Variants in CD44 observed in about 807,000 individuals in gnomAD.
CD44 encodes CD44 molecule (IN blood group), also known as CD44 antigen.
In CD44, 49 loss-of-function variants were observed where a neutral mutation model predicts 88.8. That is an observed-to-expected ratio of 0.55 (90% CI 0.44 to 0.70). CD44 has a LOEUF of 0.70. Among genes scored for constraint, CD44 ranks in the 30% least tolerant of loss-of-function variants. CD44 has a pLI of 0.00. For missense variants in CD44, 883 were observed against 913.8 expected (o/e 0.97, Z 0.43); for synonymous variants, 325 against 312.3 (o/e 1.04, Z -0.43).
At chr11:35,150,702 A>G (rs1051949949) in intron 1 of CD44, among the ~76,000 whole-genome samples, 4 of 152,186 alleles carry the variant, frequency 2.6e-5, no homozygotes, top group African/African-American at 9.7e-5. Context: ...GTTATTGCTG[A>G]TACGGTTCAG....
intron 5 of CD44, among the ~76,000 whole-genome samples, chr11:35,192,094 A>G (rs1190816098): frequency 6.6e-6 from 1 of 152,190 alleles, no homozygotes; most frequent in East Asian, 1.9e-4. Context: ...ATTTAACTAA[A>G]ACATAGTTCA....
intron 1 of CD44, among the ~76,000 whole-genome samples, chr11:35,172,588 C>T (rs1342584906): frequency 6.6e-6 from 1 of 152,132 alleles, no homozygotes; most frequent in Non-Finnish European, 1.5e-5. Flanking sequence ...ATCATCTTGT[C>T]CCTTCTTCAA....
chr11:35,193,061 C>T (rs16927055), intron 5 of CD44, among the ~76,000 whole-genome samples: 12,832 of 151,882 alleles, frequency 0.084, 560 homozygotes, highest in South Asian at 0.14. Flanking sequence ...TGGATTTTCC[C>T]GGGGATGCTC....
intron 17 of CD44, among the ~76,000 whole-genome samples, chr11:35,226,939 C>T (rs936426760): frequency 7.0e-5 from 9 of 129,074 alleles, no homozygotes; most frequent in East Asian, 4.4e-4. Context: ...GGCTGGAGTG[C>T]GGTGATGCAA....
intron 3 of CD44, among the ~76,000 whole-genome samples, chr11:35,181,834 A>ATATAAAAATTATATTTATATATAAATT (rs1945056523): frequency 9.9e-6 from 1 of 100,568 alleles, no homozygotes; most frequent in Non-Finnish European, 1.9e-5. Context: ...TATTATAAAT[A>ATATAAAAATTATATTTATATATAAATT]TATAAAAATT....
chr11:35,220,285 G>T (rs1319146812), intron 16 of CD44, among the ~76,000 whole-genome samples: 5 of 152,182 alleles, frequency 3.3e-5, no homozygotes, highest in Non-Finnish European at 7.3e-5. Flanking sequence ...TCCAGTGACA[G>T]TGCAGGTGGG....
chr11:35,190,655 T>C (rs1946177942), intron 5 of CD44, among the ~76,000 whole-genome samples: 1 of 152,272 alleles, frequency 6.6e-6, no homozygotes, highest in South Asian at 2.1e-4. Flanking sequence ...TTTTATGTTT[T>C]AACTTGATTT....
chr11:35,222,680 T>C (rs1949403760), intron 17 of CD44: 2 of 903,340 alleles, frequency 2.2e-6, no homozygotes, highest in African/African-American at 1.8e-5. Context: ...TTAACAGGGG[T>C]ATAAATCTAA....
At chr11:35,208,280 T>G in intron 12 of CD44, 74 bp downstream of exon 12, 1 of 1,004,396 alleles carries the variant, frequency 1.0e-6, no homozygotes, top group Non-Finnish European at 1.6e-6. Flanking sequence ...TTGGCCAAGA[T>G]GCAGAGCTTT....
At chr11:35,207,244 G>C (rs903250295) in intron 11 of CD44, among the ~76,000 whole-genome samples, 3 of 152,204 alleles carry the variant, frequency 2.0e-5, no homozygotes, top group Non-Finnish European at 2.9e-5. Flanking sequence ...TGAATATTTA[G>C]TGTTGAAAGG....
intron 1 of CD44, among the ~76,000 whole-genome samples, chr11:35,168,872 G>T (rs904717100): frequency 6.6e-6 from 1 of 152,200 alleles, no homozygotes; most frequent in Non-Finnish European, 1.5e-5. Flanking sequence ...CCCTGTGATG[G>T]TATGTGAACA....
chr11:35,229,321 G>T lies in CD44; in HGVS notation c.2217G>T (p.Lys739Asn), dbSNP rs751176867. ...ETRNLQNVDM[K>N]IGV ...GGAACCTGCAGAATGTGGACATGAA[G>T]ATTGGGGTGTAACACCTACACCATT... Residue 739 changes from lysine (K) to asparagine (N), a missense_variant, in exon 18 of 18, where the codon AAG (lysine) becomes AAT (asparagine). Around this residue, in one of 2 missense-constraint regions of CD44, gnomAD observed 631 missense variants for 590.9 expected, o/e 1.07. Coordinates refer to ENST00000428726, the MANE Select transcript of CD44 (RefSeq NM_000610.4). 2.5e-6 allele frequency: 4 copies of T among 1,610,470 alleles called. No individual in the cohort carries two copies. The highest frequency in any genetic ancestry group is 1.1e-5 in the South Asian group (1 of 90,990).
chr11:35,139,312 G>C lies in CD44; in HGVS notation c.9G>C (p.Lys3Asn), dbSNP rs922890139. 1.3e-6 allele frequency: 2 copies of C among 1,561,646 alleles called. No homozygotes were observed. Among genetic ancestry groups the C allele is most frequent in the Non-Finnish European group, 1.7e-6 (2 of 1,152,522 alleles). Residue 3 changes from lysine to asparagine, a missense_variant, in exon 1 of 18, where the codon AAG becomes AAC. By Grantham distance (94) the Lys-to-Asn change is moderately conservative (BLOSUM62 0). Around this residue, in one of 2 missense-constraint regions of CD44, gnomAD observed 252 missense variants for 322.9 expected, o/e 0.78. Transcript: ENST00000428726. MD[K>N]FWWHAAWGLC... ...CGTTCGCTCCGGACACCATGGACAA[G>C]TTTTGGTGGCACGCAGCCTGGGGAC...
intron 11 of CD44, among the ~76,000 whole-genome samples, chr11:35,207,144 C>G (rs1444157936): frequency 6.6e-6 from 1 of 152,206 alleles, no homozygotes; most frequent in Non-Finnish European, 1.5e-5. Context: ...AGCACTTGCT[C>G]TTGTTTGAAA....
rs1949422377 is a variant in CD44, at chr11:35,222,932, T to C, written c.2024+1200T>C. On this transcript the variant is annotated intron_variant, in intron 17 of 17. Transcript: ENST00000428726. ...AGACCTAGAGAGAATTATGGACTCC[T>C]TACTGGTTTTTGGAAAGCAACCAAC... The C allele has an allele frequency of 4.1e-6, 4 of 985,284 alleles. No homozygotes were observed. In the South Asian group the frequency reaches 1.9e-4, roughly 46 times the overall value. The allele number at this position is 985,284 out of a possible 1,614,324, so 61.0% of individuals were successfully genotyped here.
intron 16 of CD44, 61 bp downstream of exon 16, chr11:35,219,448 G>A: frequency 1.6e-6 from 2 of 1,246,888 alleles, no homozygotes; most frequent in Non-Finnish European, 2.3e-6. Flanking sequence ...GAATGTCCCA[G>A]CAAGGACGAA....
At chr11:35,178,505 A>G (rs1395512142) in intron 2 of CD44, among the ~76,000 whole-genome samples, 1 of 152,222 alleles carries the variant, frequency 6.6e-6, no homozygotes. Flanking sequence ...ACAGGATTTT[A>G]ATGACCAAGT....
At chr11:35,200,177 T>C (rs994174474) in intron 7 of CD44, among the ~76,000 whole-genome samples, 1 of 152,050 alleles carries the variant, frequency 6.6e-6, no homozygotes, top group Non-Finnish European at 1.5e-5. Context: ...GAGCTGACAG[T>C]ATTATAGTTC....
At chr11:35,187,229 G>A (rs141010016) in intron 4 of CD44, among the ~76,000 whole-genome samples, 4 of 151,904 alleles carry the variant, frequency 2.6e-5, no homozygotes, top group Non-Finnish European at 5.9e-5. Flanking sequence ...AGCTGAGATC[G>A]TGCCACTGCA....
Sources: gnomAD v4.1 joint callset for allele counts (sites outside exome capture counted in the v4.1 genomes callset) on GRCh38, gnomAD v4.1.1 for gene constraint, gnomAD v4.1.1 regional missense constraint, MANE v1.5 for transcripts, NCBI Gene and HGNC (gene_info 2026-07-23, HGNC 2026-07-21) for gene names.